TTLL5: variants seen among roughly 807,000 people sequenced by gnomAD.
TTLL5 encodes tubulin polyglutamylase TTLL5.
TTLL5 carries 132 observed loss-of-function variants against 168.4 expected under a neutral mutation model. The ratio of observed to expected loss-of-function variants is 0.78; its 90% CI spans 0.68 to 0.91. The LOEUF is 0.91. Ranked by LOEUF, TTLL5 falls within the 40% of genes least tolerant of loss-of-function variation. The pLI is 0.00. For missense variants in TTLL5, 1,545 were observed against 1,581.5 expected, an observed-to-expected ratio of 0.98 and a Z score of 0.39; for synonymous variants, 546 against 558.6, an observed-to-expected ratio of 0.98 and a Z score of 0.32.
intron 31 of TTLL5, among the ~76,000 whole-genome samples, chr14:75,912,762 A>G (rs2033442798): frequency 1.3e-5 from 2 of 152,252 alleles, no homozygotes; most frequent in African/African-American, 4.8e-5. Context: ...GTAGTAGTCA[A>G]CTGCTAATGA....
At chr14:75,869,501 A>G (rs2030831822) in intron 29 of TTLL5, among the ~76,000 whole-genome samples, 1 of 152,102 alleles carries the variant, frequency 6.6e-6, no homozygotes, top group Admixed American at 6.6e-5. Flanking sequence ...AGTTCTCAGG[A>G]TGTGATATTG....
At chr14:75,931,484 A>G (rs1031922130) in intron 31 of TTLL5, among the ~76,000 whole-genome samples, 1 of 152,194 alleles carries the variant, frequency 6.6e-6, no homozygotes, top group African/African-American at 2.4e-5. Flanking sequence ...CCTTAATTCA[A>G]ACACATAACA....
Position 75,779,698 on chromosome 14 carries a change from A to C in TTLL5, c.2511A>C (p.Lys837Asn). 6.2e-7 allele frequency: 1 copy of C among 1,611,236 alleles called. No individual in the cohort carries two copies. The highest frequency in any genetic ancestry group is 1.3e-5 in the African/African-American group (1 of 74,836). The change falls in exon 24 of 32, where the codon AAA becomes AAC. Residue 837 changes from lysine (K) to asparagine (N), a missense_variant. Coordinates refer to ENST00000298832, the MANE Select transcript of TTLL5 (RefSeq NM_015072.5). Reference protein sequence around the residue: ...NNNNYSDSGAKGDHPETIMEE... With the variant: ...NNNNYSDSGANGDHPETIMEE... ...ACAATTATTCTGATAGTGGGGCAAAAGGTGGTAAGTATACTGGTTAATGAA... is the reference window on the plus strand; with the variant it reads ...ACAATTATTCTGATAGTGGGGCAAACGGTGGTAAGTATACTGGTTAATGAA...
chr14:75,897,055 G>A (rs956673921), intron 30 of TTLL5, among the ~76,000 whole-genome samples: 1 of 152,050 alleles, frequency 6.6e-6, no homozygotes, highest in Non-Finnish European at 1.5e-5. Flanking sequence ...TGAAATACAG[G>A]CATTTCATCT....
At chr14:75,733,865 TG>T in intron 13 of TTLL5, 123 bp from the exon 14 acceptor site, 1 of 847,724 alleles carries the variant, frequency 1.2e-6, no homozygotes, top group Non-Finnish European at 1.9e-6. Flanking sequence ...GTGGATTTTA[TG>T]GGCTTTATGT....
At chr14:75,700,184 G>A (rs1036688339) in intron 7 of TTLL5, among the ~76,000 whole-genome samples, 1 of 152,142 alleles carries the variant, frequency 6.6e-6, no homozygotes, top group African/African-American at 2.4e-5. Context: ...GACATGAGCC[G>A]GGCATGAGAG....
At chr14:75,808,090 A>G (rs952358158) in intron 27 of TTLL5, among the ~76,000 whole-genome samples, 1 of 152,204 alleles carries the variant, frequency 6.6e-6, no homozygotes, top group African/African-American at 2.4e-5. Context: ...CCCCCTGTCA[A>G]CACACAAAAT....
At chr14:75,724,016 G>GT (rs200530235) in intron 12 of TTLL5, among the ~76,000 whole-genome samples, 18,928 of 143,216 alleles carry the variant, frequency 0.13, 1,401 homozygotes, top group East Asian at 0.21. Flanking sequence ...TAAGCTAGTT[G>GT]TTTTTTTTTT....
intron 28 of TTLL5, among the ~76,000 whole-genome samples, chr14:75,821,780 G>T (rs564240005): frequency 6.6e-6 from 1 of 152,110 alleles, no homozygotes; most frequent in African/African-American, 2.4e-5. Flanking sequence ...ACGAGGCTGC[G>T]ATAATGCTCA....
At chr14:75,735,749 TA>T (rs1055885047) in intron 15 of TTLL5, among the ~76,000 whole-genome samples, 1 of 152,228 alleles carries the variant, frequency 6.6e-6, no homozygotes, top group African/African-American at 2.4e-5. Context: ...TGATTGAGGC[TA>T]AATGAGATAA....
intron 13 of TTLL5, 96 bp downstream of exon 13, chr14:75,732,515 GT>G (rs1380808531): frequency 3.8e-6 from 4 of 1,055,546 alleles, no homozygotes; most frequent in Non-Finnish European, 4.2e-6. Flanking sequence ...CTAGAAGACT[GT>G]TTTTTTCCTA....
At chr14:75,874,322 G>A (rs949657313) in intron 29 of TTLL5, among the ~76,000 whole-genome samples, 17 of 152,206 alleles carry the variant, frequency 1.1e-4, no homozygotes, top group African/African-American at 4.1e-4. Context: ...TCGATTTCCT[G>A]ACTTTGTGAT....
intron 9 of TTLL5, 36 bp from the exon 10 acceptor site, chr14:75,717,825 C>A: frequency 6.3e-7 from 1 of 1,593,806 alleles, no homozygotes; most frequent in Non-Finnish European, 8.6e-7. Context: ...CCTTGAAACT[C>A]TGTTCCTGGC....
chr14:75,825,619 C>T (rs943991791), intron 28 of TTLL5, among the ~76,000 whole-genome samples: 4 of 152,050 alleles, frequency 2.6e-5, no homozygotes, highest in African/African-American at 9.7e-5. Flanking sequence ...GTTATATAAA[C>T]AATGCTTTCC....
At chr14:75,844,005 G>A (rs993623934) in intron 28 of TTLL5, among the ~76,000 whole-genome samples, 8 of 151,686 alleles carry the variant, frequency 5.3e-5, no homozygotes, top group Non-Finnish European at 8.8e-5. Context: ...AGATTCTCCT[G>A]CCTCAGCCTC....
intron 18 of TTLL5, among the ~76,000 whole-genome samples, chr14:75,763,344 T>C (rs1228538973): frequency 1.3e-5 from 2 of 151,906 alleles, no homozygotes; most frequent in African/African-American, 4.8e-5. Context: ...ATTGATTTGC[T>C]TCCCATTTCT....
chr14:75,783,651 G>C, intron 26 of TTLL5, 121 bp downstream of exon 26: 2 of 1,349,822 alleles, frequency 1.5e-6, no homozygotes, highest in Non-Finnish European at 2.0e-6. Context: ...GACACACACT[G>C]CATTGTTCTG....
intron 29 of TTLL5, among the ~76,000 whole-genome samples, chr14:75,875,384 A>T (rs1358983481): frequency 1.3e-5 from 2 of 150,132 alleles, no homozygotes; most frequent in African/African-American, 4.9e-5. Flanking sequence ...TCTACTAAAA[A>T]AAAAAAATAC....
chr14:75,767,903 T>C (rs1172032530), intron 20 of TTLL5, among the ~76,000 whole-genome samples: 1 of 152,160 alleles, frequency 6.6e-6, no homozygotes, highest in Non-Finnish European at 1.5e-5. Flanking sequence ...GTAAAATTGA[T>C]GAGACTAAGT....
Sources: allele counts gnomAD v4.1 joint callset (sites outside exome capture counted in the v4.1 genomes callset), GRCh38; gene constraint gnomAD v4.1.1; transcripts MANE v1.5; gene names NCBI Gene and HGNC (gene_info 2026-07-23, HGNC 2026-07-21).